JMJD6: variants seen among roughly 807,000 people sequenced by gnomAD.
The protein encoded by JMJD6 is bifunctional arginine demethylase and lysyl-hydroxylase JMJD6.
In JMJD6, 17 loss-of-function variants were observed where a neutral mutation model predicts 45.8. The ratio of observed to expected loss-of-function variants is 0.37; its 90% CI spans 0.25 to 0.56. JMJD6 has a LOEUF of 0.56. Ranked by LOEUF, JMJD6 falls within the 20% of genes least tolerant of loss-of-function variation. The pLI, the probability that JMJD6 is intolerant of heterozygous loss-of-function variation, is 0.79. For missense variants in JMJD6, 470 were observed against 517.5 expected, an observed-to-expected ratio of 0.91 and a Z score of 0.89; for synonymous variants, 221 against 196.3, an observed-to-expected ratio of 1.13 and a Z score of -1.05.
intron 2 of JMJD6, 51 bp from the exon 3 acceptor site, chr17:76,724,109 AC>A: frequency 6.4e-7 from 1 of 1,566,934 alleles, no homozygotes; most frequent in Non-Finnish European, 8.7e-7. Flanking sequence ...TTACACACAT[AC>A]CACACAAAAC....
chr17:76,725,243 TACTAAAAATAC>T (rs1218290503), intron 2 of JMJD6, among the ~76,000 whole-genome samples: 11 of 151,966 alleles, frequency 7.2e-5, no homozygotes, highest in Non-Finnish European at 1.5e-4. Context: ...ACCCCGTCTC[TACTAAAAATAC>T]AAAATTAGCT....
intron 2 of JMJD6, among the ~76,000 whole-genome samples, chr17:76,724,837 A>AT (rs1479396248): frequency 6.6e-6 from 1 of 152,150 alleles, no homozygotes; most frequent in Non-Finnish European, 1.5e-5. Context: ...AAAAAAAGAA[A>AT]AAAAAAGAAA....
At chr17:76,724,099 T>G (rs372747080) in intron 2 of JMJD6, 41 bp from the exon 3 acceptor site, 72 of 1,596,536 alleles carry the variant, frequency 4.5e-5, no homozygotes, top group Non-Finnish European at 5.7e-5. Context: ...TGTAATTTAC[T>G]TACACACATA....
intron 4 of JMJD6, among the ~76,000 whole-genome samples, chr17:76,720,811 CT>C (rs1481078725): frequency 6.6e-6 from 1 of 152,166 alleles, no homozygotes; most frequent in African/African-American, 2.4e-5. Context: ...GTTTTATTCC[CT>C]TAGGACAAAA....
chr17:76,716,545 G>T, downstream of JMJD6: 1 of 745,546 alleles, frequency 1.3e-6, no homozygotes. Flanking sequence ...TTTGACCGAA[G>T]ATAGGAGCTT....
intron 3 of JMJD6, among the ~76,000 whole-genome samples, chr17:76,723,504 G>C (rs899625842): frequency 6.7e-6 from 1 of 149,752 alleles, no homozygotes; most frequent in Non-Finnish European, 1.5e-5. Flanking sequence ...GCAGTGGCAC[G>C]ATCTAGACTC....
In JMJD6 at chr17:76,725,423, A is replaced by G. The variant is rs557395959; in HGVS notation, c.518+44T>C. On this transcript the variant is annotated intron_variant, in intron 2 of 5. Coordinates refer to ENST00000397625, the MANE Select transcript of JMJD6 (RefSeq NM_015167.3). ...CTCTGTCTCAAAAAAAAAAAAAAAAAAAAAAGAAAAGGATTTTAACCACTT... is the reference window on the plus strand; with the variant it reads ...CTCTGTCTCAAAAAAAAAAAAAAAAGAAAAAGAAAAGGATTTTAACCACTT... 52 of 1,504,016 alleles carry G rather than the reference A, an allele frequency of 3.5e-5. No homozygotes were observed. The South Asian group carries it at 5.4e-4, about 16-fold the overall frequency. The allele number at this position is 1,504,016 out of a possible 1,614,324, so 93.2% of individuals were successfully genotyped here. A position where few individuals can be genotyped will look rare whatever the true frequency, so the allele number is the denominator to read the frequency against.
In JMJD6 at chr17:76,726,518, C is replaced by G. The variant is rs778905336; in HGVS notation, c.-43G>C. On this transcript the variant is annotated 5_prime_UTR_variant, in exon 1 of 6. Coordinates refer to ENST00000397625, the MANE Select transcript of JMJD6 (RefSeq NM_015167.3). ...TGGTTCCGCTACGACCTCGGCGCAGCCCGCTTCCTGACACTAACGCACCCC... is the reference window on the plus strand; with the variant it reads ...TGGTTCCGCTACGACCTCGGCGCAGGCCGCTTCCTGACACTAACGCACCCC... 3.6e-5 allele frequency: 57 copies of G among 1,564,718 alleles called. No homozygotes were observed. The highest frequency in any genetic ancestry group is 4.4e-5 in the Non-Finnish European group (51 of 1,157,454).
rs1215536229 is a variant in JMJD6, at chr17:76,720,287, A to G, written c.1080+73T>C. The G allele has an allele frequency of 3.7e-6, 5 of 1,358,864 alleles. No homozygotes were observed. In the Admixed American group the frequency reaches 8.5e-5, roughly 23 times the overall value. 84.2% of individuals were successfully genotyped at this position (1,358,864 alleles called of 1,614,324 possible). Reference sequence around the variant, plus strand: ...CCTTCTCCTGGATAGGAGGAGGAAGAGTCACACCTGGTTATGACTGAGTTA... The same window carrying G: ...CCTTCTCCTGGATAGGAGGAGGAAGGGTCACACCTGGTTATGACTGAGTTA... On this transcript the variant is annotated intron_variant, in intron 5 of 5. Transcript: ENST00000397625.
At chr17:76,721,384 C>T (rs2076822309) in intron 4 of JMJD6, 1 of 389,500 alleles carries the variant, frequency 2.6e-6, no homozygotes, top group Non-Finnish European at 5.4e-6. Flanking sequence ...AGCTAAGTCT[C>T]CAGGGCAGTC....
downstream of JMJD6, chr17:76,716,710 A>G: frequency 6.2e-7 from 1 of 1,614,164 alleles, no homozygotes; most frequent in African/African-American, 1.3e-5. Flanking sequence ...GGCCTCCACA[A>G]GTGTCCCTAA....
Position 76,723,860 on chromosome 17 carries a change from A to G in JMJD6, c.717T>C (p.Ile239=). ...AGGTTGGAAGCTGTGTCCGGGGATA[A>G]ATAACATTAAACCAGGTAATAGCTT... is the stretch of plus-strand genomic sequence containing the variant. ...QDEAITWFNV[I]YPRTQLPTWP... Residue 239 remains isoleucine (I), a synonymous_variant, in exon 3 of 6, where the codon ATT becomes ATC. Coordinates refer to ENST00000397625, the MANE Select transcript of JMJD6 (RefSeq NM_015167.3). 6.2e-7 allele frequency: 1 copy of G among 1,614,102 alleles called. No homozygotes were observed. Among genetic ancestry groups the G allele is most frequent in the Non-Finnish European group, 8.5e-7 (1 of 1,180,024 alleles).
At chr17:76,726,151 C>T (rs2076926779) in intron 1 of JMJD6, among the ~76,000 whole-genome samples, 196 bp downstream of exon 1, 1 of 152,260 alleles carries the variant, frequency 6.6e-6, no homozygotes, top group Non-Finnish European at 1.5e-5. Flanking sequence ...CCAGAGCAGA[C>T]GGGCGGCCAC....
intron 3 of JMJD6, among the ~76,000 whole-genome samples, chr17:76,722,145 T>C (rs1302960119): frequency 6.6e-6 from 1 of 152,132 alleles, no homozygotes; most frequent in Non-Finnish European, 1.5e-5. Context: ...TGGTGACGGA[T>C]TGTCTAGGGC....
Position 76,726,541 on chromosome 17 carries a change from C to T in JMJD6, c.-66G>A, listed in dbSNP as rs768319780. 1.0e-4 allele frequency: 157 copies of T among 1,515,878 alleles called. No individual in the cohort carries two copies. Among genetic ancestry groups the T allele is most frequent in the Non-Finnish European group, 1.3e-4 (150 of 1,137,072 alleles). 93.9% of individuals were successfully genotyped at this position (1,515,878 alleles called of 1,614,324 possible). A position where few individuals can be genotyped will look rare whatever the true frequency, so the allele number is the denominator to read the frequency against. The stretch of plus-strand genomic sequence containing the variant: ...AGCCCGCTTCCTGACACTAACGCAC[C>T]CCTCCCCGGCCTGGGCGGCGGCGAC... On this transcript the variant is annotated 5_prime_UTR_variant, in exon 1 of 6. Transcript: ENST00000397625.
Position 76,718,616 on chromosome 17 carries a change from A to C in JMJD6, c.*113T>G. 1 of 1,490,538 alleles carries C rather than the reference A, an allele frequency of 6.7e-7. No individual in the cohort carries two copies. 92.3% of individuals were successfully genotyped at this position (1,490,538 alleles called of 1,614,324 possible). A position where few individuals can be genotyped will look rare whatever the true frequency, so the allele number is the denominator to read the frequency against. On this transcript the variant is annotated 3_prime_UTR_variant, in exon 6 of 6. Transcript: ENST00000397625. The stretch of plus-strand genomic sequence containing the variant: ...GGGTTCCCGTGCCGAGGGTGTCCTC[A>C]TTCTTGGGCTCTGTCAGGCCTCCCC...
In JMJD6 at chr17:76,725,476, G is replaced by C; in HGVS notation, c.509C>G (p.Pro170Arg). The part of the protein sequence containing the change: ...LFQYAGEKRR[P>R]PYRWFVMGPP... ...CTGCAGAATACTTTACCTGTAAGGG[G>C]GCCTGCGCTTCTCCCCAGCATACTG... Residue 170 changes from proline to arginine, a missense_variant, in exon 2 of 6, where the codon CCC becomes CGC. Around this residue, in one of 4 missense-constraint regions of JMJD6, gnomAD observed 346 missense variants for 339.5 expected, o/e 1.02. Coordinates refer to ENST00000397625, the MANE Select transcript of JMJD6 (RefSeq NM_015167.3). 1 of 1,610,504 alleles carries C rather than the reference G, an allele frequency of 6.2e-7. No homozygotes were observed. Among genetic ancestry groups the C allele is most frequent in the East Asian group, 2.2e-5 (1 of 44,846 alleles).
At chr17:76,720,214 T>C (rs2076805926) in intron 5 of JMJD6, 146 bp downstream of exon 5, 1 of 695,810 alleles carries the variant, frequency 1.4e-6, no homozygotes, top group South Asian at 1.8e-5. Context: ...TCAGCAGGAA[T>C]GGTGACAACT....
In JMJD6 at chr17:76,718,678, C is replaced by T; in HGVS notation, c.*51G>A. 3 of 1,594,506 alleles carry T rather than the reference C, an allele frequency of 1.9e-6. No homozygotes were observed. The highest frequency in any genetic ancestry group is 2.6e-6 in the Non-Finnish European group (3 of 1,170,142). On this transcript the variant is annotated 3_prime_UTR_variant, in exon 6 of 6. Transcript: ENST00000397625. The stretch of plus-strand genomic sequence containing the variant: ...ACTGGACAGGCCACCCTCCCCAGGC[C>T]CTGCCCTTGCCGCGAGCGTGTCCTT...
Sources: allele counts gnomAD v4.1 joint callset (sites outside exome capture counted in the v4.1 genomes callset), GRCh38; gene constraint gnomAD v4.1.1; regional missense constraint gnomAD v4.1.1; transcripts MANE v1.5; gene names NCBI Gene and HGNC (gene_info 2026-07-23, HGNC 2026-07-21).